CAMTA1: variants seen among roughly 807,000 people sequenced by gnomAD.
CAMTA1 encodes calmodulin binding transcription activator 1.
Under a neutral mutation model 170.9 loss-of-function variants are expected in CAMTA1, and 27 were observed. That is an observed-to-expected ratio of 0.16 (90% CI 0.12 to 0.22). CAMTA1 has a LOEUF of 0.22. CAMTA1 is among the 10% of genes least tolerant of loss of function. The probability of loss-of-function intolerance (pLI) is 1.00; values close to 1 mark genes in which losing one functional copy is unlikely to be tolerated. For missense variants in CAMTA1, 1,619 were observed against 2,217.2 expected (o/e 0.73, Z 5.42); for synonymous variants, 833 against 891.5 (o/e 0.93, Z 1.17).
rs1170492430 is a variant in CAMTA1, at chr1:7,286,055, G to A, written c.438+36429G>A. Among the ~76,000 whole-genome samples the A allele has an allele frequency of 3.3e-5, 5 of 152,304 alleles. No homozygotes were observed. In the East Asian group the frequency reaches 7.7e-4, roughly 24 times the overall value. ...CCACCGGGCCAATGGAGCCTGCTGTGTGCCAAGCACCATGCCAGATTCTGA... is the reference window on the plus strand; with the variant it reads ...CCACCGGGCCAATGGAGCCTGCTGTATGCCAAGCACCATGCCAGATTCTGA... On this transcript the variant is annotated intron_variant, in intron 5 of 22. Coordinates refer to ENST00000303635, the MANE Select transcript of CAMTA1 (RefSeq NM_015215.4). The surrounding 1 kb of genome is among the most constrained non-coding windows in gnomAD (Gnocchi z 4.2).
At chr1:7,601,342 G>A (rs1053890129) in intron 6 of CAMTA1, among the ~76,000 whole-genome samples, 3 of 151,718 alleles carry the variant, frequency 2.0e-5, no homozygotes, top group South Asian at 2.1e-4. Context: ...CATCCCAGAC[G>A]GGGCGGCAGG....
chr1:7,022,553 C>T (rs564843531), intron 3 of CAMTA1, among the ~76,000 whole-genome samples: 158 of 152,318 alleles, frequency 1.0e-3, no homozygotes, highest in African/African-American at 3.5e-3. Flanking sequence ...GCAAAATTGC[C>T]TTGGCACCTT....
intron 6 of CAMTA1, among the ~76,000 whole-genome samples, chr1:7,597,825 A>T (rs888083567): frequency 1.3e-5 from 2 of 152,064 alleles, no homozygotes; most frequent in Non-Finnish European, 2.9e-5. Flanking sequence ...TATTTTTTAA[A>T]TTTTTTTAAA....
intron 7 of CAMTA1, among the ~76,000 whole-genome samples, chr1:7,656,235 A>G (rs549906111): frequency 6.6e-6 from 1 of 152,370 alleles, no homozygotes; most frequent in South Asian, 2.1e-4. Context: ...GGCGGCTTAA[A>G]CAACAGAAAT....
intron 3 of CAMTA1, among the ~76,000 whole-genome samples, chr1:7,039,524 T>C (rs1290449581): frequency 1.3e-5 from 2 of 150,646 alleles, no homozygotes; most frequent in African/African-American, 4.9e-5. Context: ...CCTCCCTCAT[T>C]TTAGTGAGAT....
At chr1:7,047,334 A>G (rs1705552530) in intron 3 of CAMTA1, among the ~76,000 whole-genome samples, 1 of 152,190 alleles carries the variant, frequency 6.6e-6, no homozygotes, top group Admixed American at 6.5e-5. Context: ...TACTCCACAG[A>G]CAAGGTTACA....
At chr1:7,309,370 G>A (rs1203592841) in intron 5 of CAMTA1, among the ~76,000 whole-genome samples, 8 of 128,378 alleles carry the variant, frequency 6.2e-5, no homozygotes, top group African/African-American at 2.3e-4. Flanking sequence ...CACGATCTCA[G>A]CTCACTGCAA....
intron 4 of CAMTA1, chr1:7,219,393 C>A (rs909360761): frequency 6.6e-6 from 1 of 151,904 alleles, no homozygotes; most frequent in African/African-American, 2.4e-5. Flanking sequence ...TACCAGGATC[C>A]TGAAGGTGGT....
At chr1:7,465,096 C>T (rs967146830) in intron 5 of CAMTA1, among the ~76,000 whole-genome samples, 2 of 152,184 alleles carry the variant, frequency 1.3e-5, no homozygotes, top group African/African-American at 4.8e-5. Flanking sequence ...ATTAGAAGTC[C>T]TTAGCGTTCA....
chr1:7,337,456 T>G (rs768782177), intron 5 of CAMTA1, among the ~76,000 whole-genome samples: 18 of 152,234 alleles, frequency 1.2e-4, no homozygotes, highest in Non-Finnish European at 1.8e-4. Flanking sequence ...TTGAGGGAAG[T>G]GGTTGACCCT....
intron 4 of CAMTA1, among the ~76,000 whole-genome samples, chr1:7,239,137 T>C (rs1392575145): frequency 6.6e-6 from 1 of 152,226 alleles, no homozygotes; most frequent in Non-Finnish European, 1.5e-5. Context: ...TGGAAGCATC[T>C]CTCAGACACT....
intron 5 of CAMTA1, among the ~76,000 whole-genome samples, chr1:7,350,788 G>A (rs1158638995): frequency 6.6e-6 from 1 of 152,184 alleles, no homozygotes; most frequent in Non-Finnish European, 1.5e-5. Context: ...CAACACATAT[G>A]CACCATGCTT....
chr1:7,178,152 C>T (rs988018039), intron 4 of CAMTA1, among the ~76,000 whole-genome samples: 2 of 152,200 alleles, frequency 1.3e-5, no homozygotes, highest in African/African-American at 4.8e-5. Context: ...ACAAGGAGGT[C>T]CGTTCTCTTT....
intron 2 of CAMTA1, among the ~76,000 whole-genome samples, chr1:6,823,071 G>GT (rs1339586228): frequency 6.6e-6 from 1 of 152,108 alleles, no homozygotes; most frequent in Non-Finnish European, 1.5e-5. Flanking sequence ...TTCATAAAAG[G>GT]TACCTGTAAA....
intron 22 of CAMTA1, among the ~76,000 whole-genome samples, chr1:7,763,195 A>G (rs1233367254): frequency 6.6e-6 from 1 of 152,212 alleles, no homozygotes; most frequent in African/African-American, 2.4e-5. Flanking sequence ...AAAGTAACAG[A>G]TATTAAGTAA....
chr1:6,850,285 A>G (rs1659894893), intron 3 of CAMTA1, among the ~76,000 whole-genome samples: 1 of 152,230 alleles, frequency 6.6e-6, no homozygotes, highest in Non-Finnish European at 1.5e-5. Context: ...TTAAAGTGTA[A>G]ATGGCAAACT....
chr1:6,888,432 T>G (rs1000108762), intron 3 of CAMTA1, among the ~76,000 whole-genome samples: 4 of 152,168 alleles, frequency 2.6e-5, no homozygotes, highest in Non-Finnish European at 5.9e-5. Flanking sequence ...CGGTGCCTCC[T>G]GAAGAAGTAG....
At chr1:7,494,404 G>T (rs1433489521) in intron 6 of CAMTA1, among the ~76,000 whole-genome samples, 1 of 152,230 alleles carries the variant, frequency 6.6e-6, no homozygotes, top group East Asian at 1.9e-4. Flanking sequence ...GCAGGCATCT[G>T]CCAGGAGGGC....
At chr1:7,213,790 A>G (rs1451548190) in intron 4 of CAMTA1, among the ~76,000 whole-genome samples, 1 of 149,802 alleles carries the variant, frequency 6.7e-6, no homozygotes, top group Non-Finnish European at 1.5e-5. Context: ...CCCTGTGTGC[A>G]ATGTTCCCCT....
Sources: gnomAD v4.1 joint callset for allele counts (sites outside exome capture counted in the v4.1 genomes callset) on GRCh38, gnomAD v4.1.1 for gene constraint, Gnocchi (gnomAD v3.1) non-coding constraint, MANE v1.5 for transcripts, NCBI Gene and HGNC (gene_info 2026-07-23, HGNC 2026-07-21) for gene names.